The following DTNA variants were observed in gnomAD, a reference collection of about 807,000 sequenced individuals.
DTNA encodes the protein dystrobrevin alpha.
In DTNA, 43 loss-of-function variants were observed where a neutral mutation model predicts 100.7. The ratio of observed to expected loss-of-function variants is 0.43; its 90% CI spans 0.33 to 0.55. DTNA has a LOEUF of 0.55. DTNA is among the 20% of genes least tolerant of loss of function. DTNA has a pLI of 0.04. For synonymous variants in DTNA, 349 were observed against 347.9 expected, an observed-to-expected ratio of 1.00 and a Z score of -0.04; for missense variants, 798 against 953.9, an observed-to-expected ratio of 0.84 and a Z score of 2.15.
chr18:34,699,999 A>G (rs752099974), intron 1 of DTNA, among the ~76,000 whole-genome samples: 3 of 152,198 alleles, frequency 2.0e-5, no homozygotes, highest in Non-Finnish European at 4.4e-5. Context: ...TCTGGCGTTC[A>G]ATTAATAGTT....
At chr18:34,741,901 G>A (rs1054410765) in intron 1 of DTNA, among the ~76,000 whole-genome samples, 14 of 152,144 alleles carry the variant, frequency 9.2e-5, no homozygotes, top group African/African-American at 3.1e-4. Flanking sequence ...TTAGACTGAC[G>A]TGAGTTCAAA....
intron 3 of DTNA, among the ~76,000 whole-genome samples, chr18:34,780,102 AG>A (rs2094249376): frequency 2.8e-4 from 2 of 7,148 alleles, no homozygotes; most frequent in Non-Finnish European, 8.8e-3. Flanking sequence ...TACAAAATCA[AG>A]TATATATATA....
intron 1 of DTNA, among the ~76,000 whole-genome samples, chr18:34,541,307 A>G (rs2044220743): frequency 6.6e-6 from 1 of 152,098 alleles, no homozygotes; most frequent in South Asian, 2.1e-4. Flanking sequence ...GAACCATTTC[A>G]GCTAGAGCAA....
intron 4 of DTNA, among the ~76,000 whole-genome samples, chr18:34,800,188 T>A (rs1275013715): frequency 6.6e-6 from 1 of 152,222 alleles, no homozygotes; most frequent in Non-Finnish European, 1.5e-5. Context: ...TGCTTCTCAC[T>A]TGTGCATTCA....
intron 11 of DTNA, among the ~76,000 whole-genome samples, chr18:34,835,794 C>T (rs1180931289): frequency 6.6e-6 from 1 of 152,206 alleles, no homozygotes; most frequent in African/African-American, 2.4e-5. Flanking sequence ...GTTGACGTTC[C>T]TGTGTTTCTT....
chr18:34,838,959 C>T, intron 13 of DTNA, 122 bp downstream of exon 13: 2 of 792,586 alleles, frequency 2.5e-6, no homozygotes, highest in South Asian at 1.4e-5. Context: ...GCACTGTTAA[C>T]TGGTTCAGTT....
At chr18:34,529,893 C>T (rs540406859) in intron 1 of DTNA, among the ~76,000 whole-genome samples, 77 of 152,178 alleles carry the variant, frequency 5.1e-4, no homozygotes, top group South Asian at 4.1e-4. Flanking sequence ...TTCAGAAGTA[C>T]CTCAGTTCTC....
At chr18:34,685,934 C>T (rs756376955) in intron 1 of DTNA, among the ~76,000 whole-genome samples, 1 of 152,122 alleles carries the variant, frequency 6.6e-6, no homozygotes, top group East Asian at 1.9e-4. Flanking sequence ...ATTTGGCTCT[C>T]TGTTTGTCTA....
At chr18:34,829,546 T>C (rs1602871938) in intron 11 of DTNA, 57 bp downstream of exon 11, 1 of 1,420,438 alleles carries the variant, frequency 7.0e-7, no homozygotes, top group South Asian at 1.5e-5. Flanking sequence ...GCTAGACTGA[T>C]AAGTCATTCT....
At chr18:34,678,044 G>T (rs372883076) in intron 1 of DTNA, among the ~76,000 whole-genome samples, 1 of 152,140 alleles carries the variant, frequency 6.6e-6, no homozygotes, top group Non-Finnish European at 1.5e-5. Context: ...TCATGTAGCA[G>T]CAGGAGAGAG....
chr18:34,647,376 T>A (rs1048562425), intron 1 of DTNA, among the ~76,000 whole-genome samples: 2 of 152,040 alleles, frequency 1.3e-5, no homozygotes, highest in African/African-American at 4.8e-5. Context: ...ACCACAGAAT[T>A]CCTCAGATTC....
chr18:34,870,207 GA>G (rs974589795), intron 17 of DTNA, among the ~76,000 whole-genome samples: 3 of 150,252 alleles, frequency 2.0e-5, no homozygotes, highest in East Asian at 1.9e-4. Context: ...ACTTGGTGGG[GA>G]AAAAAAGTCA....
At chr18:34,771,430 G>T (rs902749658) in intron 3 of DTNA, among the ~76,000 whole-genome samples, 4 of 151,968 alleles carry the variant, frequency 2.6e-5, no homozygotes, top group African/African-American at 9.7e-5. Flanking sequence ...ACCCGGGGAG[G>T]TGGAGATTGC....
intron 4 of DTNA, 41 bp downstream of exon 4, chr18:34,794,291 G>A (rs750207902): frequency 2.5e-6 from 4 of 1,610,722 alleles, no homozygotes; most frequent in Non-Finnish European, 1.7e-6. Flanking sequence ...TACATGTTTG[G>A]CTTTCACTTC....
chr18:34,765,835 T>C, intron 2 of DTNA, 126 bp from the exon 3 acceptor site: 2 of 934,576 alleles, frequency 2.1e-6, no homozygotes, highest in Non-Finnish European at 3.2e-6. Flanking sequence ...CTTAAAGTTA[T>C]ATTTATATTC....
At chr18:34,742,966 C>A (rs1483344703) in intron 1 of DTNA, among the ~76,000 whole-genome samples, 1 of 152,070 alleles carries the variant, frequency 6.6e-6, no homozygotes, top group East Asian at 1.9e-4. Context: ...AGGCGCCTTC[C>A]CACCAGCTAT....
At chr18:34,516,353 AT>A (rs1218572478) in intron 1 of DTNA, among the ~76,000 whole-genome samples, 1 of 152,144 alleles carries the variant, frequency 6.6e-6, no homozygotes, top group Non-Finnish European at 1.5e-5. Flanking sequence ...CCAGAGCAAG[AT>A]CACAGGACCA....
chr18:34,572,730 C>T (rs749135634), intron 1 of DTNA, among the ~76,000 whole-genome samples: 1 of 152,084 alleles, frequency 6.6e-6, no homozygotes, highest in Non-Finnish European at 1.5e-5. Flanking sequence ...GGAGGTTCTC[C>T]CCCACTTCCA....
At position 34,666,639 on chromosome 18, in the gene DTNA, TG is replaced by T. The variant is rs573119735; in HGVS notation, c.-1-89335del. 7.2e-5 allele frequency among the ~76,000 whole-genome samples: 11 copies of T among 152,362 alleles called. No homozygotes were observed. In the East Asian group the frequency reaches 2.1e-3, roughly 29 times the overall value. On this transcript the variant is annotated intron_variant, in intron 1 of 19. Transcript: ENST00000283365. The stretch of plus-strand genomic sequence containing the variant: ...GGATCCAGTTTCAGCTTTCTACCTA[TG>T]GCTAGCCAGTTTTCCTAGCACCATT...
Sources: gnomAD v4.1 joint callset for allele counts (sites outside exome capture counted in the v4.1 genomes callset) on GRCh38, gnomAD v4.1.1 for gene constraint, MANE v1.5 for transcripts, NCBI Gene and HGNC (gene_info 2026-07-23, HGNC 2026-07-21) for gene names.